Variants in FCHSD2 observed in about 807,000 individuals in gnomAD.
FCHSD2 encodes F-BAR and double SH3 domains protein 2.
In FCHSD2, 38 loss-of-function variants were observed where a neutral mutation model predicts 108.1. The observed-to-expected ratio is 0.35, with a 90% CI of 0.27 to 0.46. The LOEUF is 0.46. Among genes scored for constraint, FCHSD2 ranks in the 20% least tolerant of loss-of-function variants. The probability of loss-of-function intolerance (pLI) is 1.00; values close to 1 mark genes in which losing one functional copy is unlikely to be tolerated. For missense variants in FCHSD2, 751 were observed against 897.8 expected (o/e 0.84, Z 2.09); for synonymous variants, 279 against 314.7 (o/e 0.89, Z 1.20).
At chr11:72,983,178 C>G (rs1489976669) in intron 8 of FCHSD2, among the ~76,000 whole-genome samples, 2 of 151,188 alleles carry the variant, frequency 1.3e-5, no homozygotes, top group African/African-American at 4.8e-5. Context: ...CCTGTAGTCC[C>G]AGCTACTTGG....
chr11:73,140,932 A>G (rs1324296252), intron 1 of FCHSD2, among the ~76,000 whole-genome samples: 1 of 152,250 alleles, frequency 6.6e-6, no homozygotes, highest in Non-Finnish European at 1.5e-5. Context: ...GGACTCACTT[A>G]AATGGAGAAA....
At chr11:73,014,338 A>T (rs1857925653) in intron 4 of FCHSD2, among the ~76,000 whole-genome samples, 1 of 151,974 alleles carries the variant, frequency 6.6e-6, no homozygotes, top group South Asian at 2.1e-4. Flanking sequence ...TATACTGCCC[A>T]GTCTAGTCTT....
intron 3 of FCHSD2, among the ~76,000 whole-genome samples, chr11:73,066,492 A>G (rs1379290090): frequency 2.0e-5 from 3 of 152,190 alleles, no homozygotes; most frequent in African/African-American, 7.2e-5. Flanking sequence ...GCCAAAACTA[A>G]TGGGATCTAA....
At chr11:72,881,521 G>A (rs976591453) in intron 12 of FCHSD2, among the ~76,000 whole-genome samples, 1 of 152,184 alleles carries the variant, frequency 6.6e-6, no homozygotes, top group Non-Finnish European at 1.5e-5. Flanking sequence ...ATATGATCCA[G>A]CAATCCCTCT....
chr11:72,901,773 GA>G (rs1855530549), intron 10 of FCHSD2, among the ~76,000 whole-genome samples: 1 of 152,082 alleles, frequency 6.6e-6, no homozygotes, highest in Non-Finnish European at 1.5e-5. Flanking sequence ...TAAGAAATCT[GA>G]AAGGAATTAT....
chr11:72,914,244 A>G (rs566602321), intron 9 of FCHSD2, among the ~76,000 whole-genome samples: 33 of 151,962 alleles, frequency 2.2e-4, no homozygotes, highest in Middle Eastern at 3.4e-3. Flanking sequence ...TGAACTCCTG[A>G]CCTAAAGTGA....
intron 2 of FCHSD2, among the ~76,000 whole-genome samples, chr11:73,132,329 C>T (rs1591581049): frequency 6.6e-6 from 1 of 152,234 alleles, no homozygotes; most frequent in African/African-American, 2.4e-5. Flanking sequence ...TTTCACCTGT[C>T]TCATTTTACT....
chr11:73,085,442 G>A (rs953782706), intron 2 of FCHSD2, among the ~76,000 whole-genome samples: 1 of 152,126 alleles, frequency 6.6e-6, no homozygotes, highest in African/African-American at 2.4e-5. Context: ...CAACATTGAT[G>A]CAAGTTCCTC....
At chr11:72,906,282 T>G (rs1447420057) in intron 9 of FCHSD2, among the ~76,000 whole-genome samples, 2 of 152,228 alleles carry the variant, frequency 1.3e-5, no homozygotes, top group East Asian at 1.9e-4. Flanking sequence ...CGTTGTTTTT[T>G]TCTTGTAAAT....
intron 3 of FCHSD2, among the ~76,000 whole-genome samples, chr11:73,045,908 A>G (rs985620507): frequency 1.1e-4 from 17 of 152,176 alleles, no homozygotes; most frequent in Non-Finnish European, 2.1e-4. Context: ...CCTAAAACTT[A>G]AAGTATAATA....
intron 2 of FCHSD2, among the ~76,000 whole-genome samples, chr11:73,095,573 G>C (rs1430507179): frequency 6.6e-6 from 1 of 152,148 alleles, no homozygotes; most frequent in Non-Finnish European, 1.5e-5. Flanking sequence ...ACATATAAGG[G>C]AATGATATGC....
intron 6 of FCHSD2, among the ~76,000 whole-genome samples, chr11:72,988,067 G>A (rs184166241): frequency 1.3e-5 from 2 of 152,284 alleles, no homozygotes; most frequent in Admixed American, 1.3e-4. Context: ...TTGCTTATAA[G>A]GTTGCTTACA....
chr11:72,964,842 C>T (rs182304489), intron 8 of FCHSD2, among the ~76,000 whole-genome samples: 36 of 145,110 alleles, frequency 2.5e-4, no homozygotes, highest in Admixed American at 8.6e-4. Context: ...CAGGCTGGAG[C>T]GCACTGGCAG....
chr11:72,841,841 C>T (rs1039000492), intron 17 of FCHSD2, among the ~76,000 whole-genome samples: 2 of 152,164 alleles, frequency 1.3e-5, no homozygotes, highest in Non-Finnish European at 2.9e-5. Context: ...AGTGAAGCTA[C>T]TCTCTAGGGT....
intron 8 of FCHSD2, among the ~76,000 whole-genome samples, chr11:72,966,050 G>A (rs970129407): frequency 2.6e-5 from 4 of 152,102 alleles, no homozygotes; most frequent in Non-Finnish European, 5.9e-5. Flanking sequence ...ATAAATTCCT[G>A]TGTAATAAAA....
chr11:73,005,902 C>CT lies in FCHSD2; in HGVS notation c.243-4769dup, dbSNP rs56872243. ...TATCAATATCCTGACTATTCCTAAA[C>CT]TTTTTTTTTTTTTTTTTTTTTAAAG... On this transcript the variant is annotated intron_variant, in intron 4 of 19. Transcript: ENST00000409418. Among the ~76,000 whole-genome samples, 739 of 125,644 alleles carry CT rather than the reference C, an allele frequency of 5.9e-3. 6 individuals carry two copies. Among genetic ancestry groups the CT allele is most frequent in the East Asian group, 0.014 (63 of 4,412 alleles). The allele number at this position is 125,644 out of a possible 152,430, so 82.4% of individuals were successfully genotyped here. A position where few individuals can be genotyped will look rare whatever the true frequency, so the allele number is the denominator to read the frequency against.
intron 12 of FCHSD2, among the ~76,000 whole-genome samples, chr11:72,874,972 A>C (rs1390775983): frequency 1.3e-5 from 2 of 152,238 alleles, no homozygotes; most frequent in Non-Finnish European, 2.9e-5. Context: ...TATTTTAAAA[A>C]TCCAGATCTT....
At chr11:72,993,746 T>C (rs887476566) in intron 5 of FCHSD2, among the ~76,000 whole-genome samples, 11 of 113,144 alleles carry the variant, frequency 9.7e-5, no homozygotes, top group East Asian at 2.8e-4. Context: ...CATCACACAC[T>C]GGGGCCTGTT....
At chr11:73,069,500 T>G (rs1387668369) in intron 3 of FCHSD2, among the ~76,000 whole-genome samples, 1 of 151,812 alleles carries the variant, frequency 6.6e-6, no homozygotes, top group Non-Finnish European at 1.5e-5. Flanking sequence ...CTAGAAAGAA[T>G]ATGATCACTA....
Sources: gnomAD v4.1 joint callset for allele counts (sites outside exome capture counted in the v4.1 genomes callset) on GRCh38, gnomAD v4.1.1 for gene constraint, MANE v1.5 for transcripts, NCBI Gene and HGNC (gene_info 2026-07-23, HGNC 2026-07-21) for gene names.